The following TMEM178B variants were observed in gnomAD, a reference collection of about 807,000 sequenced individuals.
TMEM178B encodes transmembrane protein 178B.
In TMEM178B, 5 loss-of-function variants were observed where a neutral mutation model predicts 31.0. That is an observed-to-expected ratio of 0.16 (90% CI 0.08 to 0.34). The LOEUF (loss-of-function observed/expected upper bound fraction) is 0.34, where lower values mean the gene tolerates loss of function less well. TMEM178B is among the 10% of genes least tolerant of loss of function. The probability of loss-of-function intolerance (pLI) is 1.00; values close to 1 mark genes in which losing one functional copy is unlikely to be tolerated. For missense variants in TMEM178B, 275 were observed against 400.3 expected, an observed-to-expected ratio of 0.69 and a Z score of 2.67; for synonymous variants, 164 against 164.0, an observed-to-expected ratio of 1.00 and a Z score of 0.00.
chr7:141,269,230 A>G (rs1042884547), intron 2 of TMEM178B, among the ~76,000 whole-genome samples: 1 of 151,760 alleles, frequency 6.6e-6, no homozygotes, highest in African/African-American at 2.4e-5. Flanking sequence ...AGCTGGGACT[A>G]CAGGTGCACG....
chr7:141,189,130 G>A (rs1480682656), intron 1 of TMEM178B, among the ~76,000 whole-genome samples: 1 of 152,254 alleles, frequency 6.6e-6, no homozygotes, highest in Non-Finnish European at 1.5e-5. Context: ...GGCTTTCTGA[G>A]CTGTTTGAAT....
intron 3 of TMEM178B, among the ~76,000 whole-genome samples, chr7:141,463,045 G>T (rs769987747): frequency 6.6e-6 from 1 of 152,208 alleles, no homozygotes; most frequent in Non-Finnish European, 1.5e-5. Flanking sequence ...TCTGCAGGGT[G>T]CTGCTGCTTA....
In TMEM178B at chr7:141,074,174, G is replaced by C; in HGVS notation, c.-137G>C. ...CCGGGCCGTGCTCCGGTAGGCGGGGGCCGAGGGGGCGCCGCGGCGCGAGTC... is the reference window on the plus strand; with the variant it reads ...CCGGGCCGTGCTCCGGTAGGCGGGGCCCGAGGGGGCGCCGCGGCGCGAGTC... On this transcript the variant is annotated 5_prime_UTR_variant, in exon 1 of 4. Coordinates refer to ENST00000565468, the MANE Select transcript of TMEM178B (RefSeq NM_001195278.2). The surrounding 1 kb of genome is among the most constrained non-coding windows in gnomAD (Gnocchi z 5.1). 7.8e-7 allele frequency: 1 copy of C among 1,283,868 alleles called. No homozygotes were observed. 79.5% of individuals were successfully genotyped at this position (1,283,868 alleles called of 1,614,324 possible). A position where few individuals can be genotyped will look rare whatever the true frequency, so the allele number is the denominator to read the frequency against.
chr7:141,230,559 C>G (rs1462608332), intron 2 of TMEM178B, among the ~76,000 whole-genome samples: 1 of 152,164 alleles, frequency 6.6e-6, no homozygotes, highest in Non-Finnish European at 1.5e-5. Flanking sequence ...GGGTGTGCCA[C>G]TTGGCCAAAG....
chr7:141,221,513 C>G (rs1236302492), intron 2 of TMEM178B, among the ~76,000 whole-genome samples: 1 of 152,134 alleles, frequency 6.6e-6, no homozygotes, highest in Admixed American at 6.5e-5. Flanking sequence ...AGGGAGGACT[C>G]TTAGCCAAAG....
chr7:141,266,036 C>T lies in TMEM178B; in HGVS notation c.496+53332C>T, dbSNP rs376503086. Among the ~76,000 whole-genome samples, 29 of 152,360 alleles carry T rather than the reference C, an allele frequency of 1.9e-4. 1 individual carries two copies. The South Asian group carries it at 5.8e-3, about 30-fold the overall frequency. ...CCTGAGTGTGGAATTCCTCCTGCTT[C>T]ATCATCTAGCCCATTCTGGAGCACA... On this transcript the variant is annotated intron_variant, in intron 2 of 3. Transcript: ENST00000565468.
chr7:141,337,975 C>T (rs1416624223), intron 2 of TMEM178B, among the ~76,000 whole-genome samples: 1 of 151,970 alleles, frequency 6.6e-6, no homozygotes, highest in Admixed American at 6.5e-5. Flanking sequence ...GTAGCTGGTA[C>T]TACAGGCACC....
intron 2 of TMEM178B, among the ~76,000 whole-genome samples, chr7:141,359,516 G>A (rs1318005031): frequency 2.0e-5 from 3 of 152,134 alleles, no homozygotes; most frequent in South Asian, 2.1e-4. Flanking sequence ...GTAAACAATC[G>A]TGATGATAAG....
chr7:141,263,669 G>A (rs1248909968), intron 2 of TMEM178B, among the ~76,000 whole-genome samples: 1 of 152,160 alleles, frequency 6.6e-6, no homozygotes, highest in Non-Finnish European at 1.5e-5. Flanking sequence ...CAAGGATGTG[G>A]TTGTTCAGTT....
intron 3 of TMEM178B, among the ~76,000 whole-genome samples, chr7:141,438,419 T>C (rs527705503): frequency 2.0e-5 from 3 of 152,146 alleles, no homozygotes; most frequent in African/African-American, 7.2e-5. Context: ...TCTTTCCCTG[T>C]AAGAGCTAAA....
At chr7:141,213,661 C>T (rs1797083129) in intron 2 of TMEM178B, among the ~76,000 whole-genome samples, 1 of 152,124 alleles carries the variant, frequency 6.6e-6, no homozygotes, top group South Asian at 2.1e-4. Context: ...CTCTCTTCTC[C>T]TTATAGGTGC....
intron 2 of TMEM178B, among the ~76,000 whole-genome samples, chr7:141,280,696 A>G (rs1798342358): frequency 6.6e-6 from 1 of 152,184 alleles, no homozygotes; most frequent in South Asian, 2.1e-4. Context: ...TTTCTTTAGC[A>G]TGGAGTTGCT....
rs539869237 is a variant in TMEM178B, at chr7:141,108,397, G to A, written c.382+33705G>A. Among the ~76,000 whole-genome samples, 31 of 152,318 alleles carry A rather than the reference G, an allele frequency of 2.0e-4. No individual in the cohort carries two copies. The South Asian group carries it at 3.3e-3, about 16-fold the overall frequency. On this transcript the variant is annotated intron_variant, in intron 1 of 3. Transcript: ENST00000565468. ...GAGATGGAACCCAGTGTGCAAGTTT[G>A]CATCCAGAAGGTTCATGGGCAATCC... is the stretch of plus-strand genomic sequence containing the variant.
chr7:141,234,613 C>T (rs539908109), intron 2 of TMEM178B, among the ~76,000 whole-genome samples: 1 of 152,304 alleles, frequency 6.6e-6, no homozygotes, highest in African/African-American at 2.4e-5. Context: ...CATTCCCCCT[C>T]GTGCAGAACC....
intron 2 of TMEM178B, among the ~76,000 whole-genome samples, chr7:141,386,103 G>C (rs766103567): frequency 9.2e-5 from 14 of 152,206 alleles, no homozygotes; most frequent in Non-Finnish European, 1.9e-4. Context: ...TTATGAGCAG[G>C]TGGCCTCTAA....
intron 1 of TMEM178B, among the ~76,000 whole-genome samples, chr7:141,183,926 A>G (rs1796569457): frequency 6.6e-6 from 1 of 152,340 alleles, no homozygotes; most frequent in East Asian, 1.9e-4. Flanking sequence ...GGCCTCAGCA[A>G]AGAAGCATCA....
At chr7:141,306,622 T>G (rs1418429499) in intron 2 of TMEM178B, among the ~76,000 whole-genome samples, 1 of 110,792 alleles carries the variant, frequency 9.0e-6, no homozygotes, top group Non-Finnish European at 1.9e-5. Context: ...TGAGAGTCTG[T>G]TTTTTTTTTT....
chr7:141,265,844 C>T (rs1308376630), intron 2 of TMEM178B, among the ~76,000 whole-genome samples: 1 of 152,192 alleles, frequency 6.6e-6, no homozygotes, highest in Admixed American at 6.5e-5. Context: ...CTGAAGGCCA[C>T]GTAACTCATA....
chr7:141,143,675 C>G (rs570881989), intron 1 of TMEM178B, among the ~76,000 whole-genome samples: 16 of 152,186 alleles, frequency 1.1e-4, no homozygotes, highest in African/African-American at 3.9e-4. Context: ...TGTTCTTTTG[C>G]TTAGGATTGC....
Sources: gnomAD v4.1 joint callset for allele counts (sites outside exome capture counted in the v4.1 genomes callset) on GRCh38, gnomAD v4.1.1 for gene constraint, Gnocchi (gnomAD v3.1) non-coding constraint, MANE v1.5 for transcripts, NCBI Gene and HGNC (gene_info 2026-07-23, HGNC 2026-07-21) for gene names.